AP4S1: variants seen among roughly 807,000 people sequenced by gnomAD.
AP4S1 encodes the protein adaptor related protein complex 4 subunit sigma 1, also known as AP-4 complex subunit sigma-1.
In AP4S1, 23 loss-of-function variants were observed where a neutral mutation model predicts 19.8. The ratio of observed to expected loss-of-function variants is 1.16; its 90% CI spans 0.84 to 1.65. The LOEUF (loss-of-function observed/expected upper bound fraction) is 1.65. AP4S1 is among the 40% of genes most tolerant of loss of function. The pLI is 0.00. For synonymous variants in AP4S1, 46 were observed against 54.1 expected, an observed-to-expected ratio of 0.85 and a Z score of 0.66; for missense variants, 166 against 172.8, an observed-to-expected ratio of 0.96 and a Z score of 0.22.
intron 1 of AP4S1, among the ~76,000 whole-genome samples, chr14:31,054,697 A>T (rs1372162695): frequency 6.6e-6 from 1 of 151,476 alleles, no homozygotes; most frequent in African/African-American, 2.4e-5. Flanking sequence ...TCAAAAAAAT[A>T]AATTAATTAA....
intron 4 of AP4S1, among the ~76,000 whole-genome samples, chr14:31,077,427 A>G (rs1887420546): frequency 6.6e-6 from 1 of 152,226 alleles, no homozygotes; most frequent in Non-Finnish European, 1.5e-5. Flanking sequence ...TCCTAATGCC[A>G]GAAGTGAGGT....
At chr14:31,075,253 T>A (rs1287479920) in intron 4 of AP4S1, among the ~76,000 whole-genome samples, 1 of 152,142 alleles carries the variant, frequency 6.6e-6, no homozygotes, top group Non-Finnish European at 1.5e-5. Context: ...ACTTTTTTAC[T>A]TCCCACATGA....
intron 1 of AP4S1, among the ~76,000 whole-genome samples, chr14:31,032,280 G>A (rs1428312048): frequency 6.6e-6 from 1 of 151,894 alleles, no homozygotes. Flanking sequence ...TCCTAAATAG[G>A]GTGTCTAATC....
At chr14:31,036,647 C>T (rs1884793361) in intron 1 of AP4S1, among the ~76,000 whole-genome samples, 1 of 152,150 alleles carries the variant, frequency 6.6e-6, no homozygotes, top group Admixed American at 6.5e-5. Context: ...TTTCTGGGAG[C>T]TTTAGGCTCA....
At chr14:31,069,814 G>A (rs1323352606) in intron 2 of AP4S1, 29 bp from the exon 3 acceptor site, 1 of 1,531,146 alleles carries the variant, frequency 6.5e-7, no homozygotes, top group Non-Finnish European at 9.1e-7. Flanking sequence ...TCAGCCACAG[G>A]AATTAATATC....
intron 1 of AP4S1, among the ~76,000 whole-genome samples, chr14:31,062,318 T>G (rs1203988783): frequency 2.0e-5 from 3 of 151,510 alleles, no homozygotes; most frequent in Admixed American, 1.3e-4. Context: ...AGGCTGTTCT[T>G]AAACTCCTGA....
chr14:31,053,420 C>T lies in AP4S1; in HGVS notation c.-71-12706C>T, dbSNP rs981733786. On this transcript the variant is annotated intron_variant, in intron 1 of 5. Coordinates refer to ENST00000542754, the MANE Select transcript of AP4S1 (RefSeq NM_001128126.3). Reference sequence around the variant, plus strand: ...TCCTGGAATATTGCCCAAGCCAGAGCTGGAAGAAGAAATCCAAAGCAAGTC... The same window carrying T: ...TCCTGGAATATTGCCCAAGCCAGAGTTGGAAGAAGAAATCCAAAGCAAGTC... Among the ~76,000 whole-genome samples the T allele has an allele frequency of 2.6e-5, 4 of 152,076 alleles. No homozygotes were observed. In the East Asian group the frequency reaches 7.7e-4, roughly 29 times the overall value.
chr14:31,039,181 T>C (rs896392601), intron 1 of AP4S1, among the ~76,000 whole-genome samples: 1 of 152,058 alleles, frequency 6.6e-6, no homozygotes, highest in African/African-American at 2.4e-5. Flanking sequence ...ATGTAGCTTT[T>C]ACTTTTTCTT....
chr14:31,041,335 T>G (rs1260137622), intron 1 of AP4S1, among the ~76,000 whole-genome samples: 7 of 151,674 alleles, frequency 4.6e-5, no homozygotes, highest in Non-Finnish European at 8.8e-5. Flanking sequence ...TTTTTAGTAG[T>G]GAGGGGGTTT....
At chr14:31,085,164 C>T (rs1196572382) in intron 5 of AP4S1, 2 of 1,205,186 alleles carry the variant, frequency 1.7e-6, no homozygotes, top group Non-Finnish European at 2.1e-6. Context: ...CATCATGGGG[C>T]AGATGCCCAC....
In AP4S1 at chr14:31,093,352, A is replaced by G. The variant is rs138436477; in HGVS notation, c.*317A>G. 128 of 178,272 alleles carry G rather than the reference A, an allele frequency of 7.2e-4. No individual in the cohort carries two copies. In the East Asian group the frequency reaches 0.017, roughly 23 times the overall value. 11.0% of individuals were successfully genotyped at this position (178,272 alleles called of 1,614,324 possible). On this transcript the variant is annotated 3_prime_UTR_variant, in exon 6 of 6. Coordinates refer to ENST00000542754, the MANE Select transcript of AP4S1 (RefSeq NM_001128126.3). Reference sequence around the variant, plus strand: ...GGTCTATGCTTCTTTTGCAAATTGAATTCAGGAATAGCAGGATGGTAGTGG... The same window carrying G: ...GGTCTATGCTTCTTTTGCAAATTGAGTTCAGGAATAGCAGGATGGTAGTGG...
In AP4S1 at chr14:31,073,964, G is replaced by A. The variant is rs145634555; in HGVS notation, c.294+991G>A. Among the ~76,000 whole-genome samples, 79 of 152,126 alleles carry A rather than the reference G, an allele frequency of 5.2e-4. 2 individuals are homozygous for A. The East Asian group carries it at 0.013, about 24-fold the overall frequency. On this transcript the variant is annotated intron_variant, in intron 4 of 5. Coordinates refer to ENST00000542754, the MANE Select transcript of AP4S1 (RefSeq NM_001128126.3). ...TTAGGGAATATGTGAGCTCCTTTCC[G>A]AAAATCTTTTTAAAGCCATTTTAAT...
rs778871263 is a variant in AP4S1 at position 31,026,189 on chromosome 14, G to C, written c.-72+402G>C. The C allele has an allele frequency of 4.2e-6, 6 of 1,439,484 alleles. No homozygotes were observed. In the South Asian group the frequency reaches 8.5e-5, roughly 20 times the overall value. 89.2% of individuals were successfully genotyped at this position (1,439,484 alleles called of 1,614,324 possible). On this transcript the variant is annotated intron_variant, in intron 1 of 5. Transcript: ENST00000542754. The stretch of plus-strand genomic sequence containing the variant: ...CGCCTCCGGCAAGCTCGTCCATTGT[G>C]TGTGGGGCCCCGGCCGGGGCGCAGG...
At chr14:31,085,619 T>C (rs1887888439) in intron 5 of AP4S1, 2 of 813,112 alleles carry the variant, frequency 2.5e-6, no homozygotes, top group Non-Finnish European at 3.0e-6. Context: ...ACAAAAAAAT[T>C]TAAAAAGCCA....
intron 1 of AP4S1, among the ~76,000 whole-genome samples, chr14:31,040,998 C>T (rs1885076558): frequency 6.6e-6 from 1 of 150,698 alleles, no homozygotes; most frequent in Non-Finnish European, 1.5e-5. Flanking sequence ...TGGTGTGAAC[C>T]CAGGGAGGTG....
intron 1 of AP4S1, among the ~76,000 whole-genome samples, chr14:31,027,712 G>A (rs1251650725): frequency 1.3e-5 from 2 of 152,076 alleles, no homozygotes; most frequent in African/African-American, 2.4e-5. Context: ...TAAGAGACAA[G>A]GCTAATATTT....
chr14:31,040,393 A>T (rs151107681), intron 1 of AP4S1, among the ~76,000 whole-genome samples: 1 of 152,152 alleles, frequency 6.6e-6, no homozygotes, highest in African/African-American at 2.4e-5. Context: ...GTAAGCTTTC[A>T]TTTATTTGTT....
chr14:31,062,132 C>T (rs1238253125), intron 1 of AP4S1, among the ~76,000 whole-genome samples: 1 of 151,886 alleles, frequency 6.6e-6, no homozygotes. Context: ...GAGTTTAGCT[C>T]TTGTCACCCA....
Position 31,066,126 on chromosome 14 carries a change from G to A in AP4S1, c.-71G>A, listed in dbSNP as rs1886699946. On this transcript the variant is annotated splice_region_variant and 5_prime_UTR_variant, in exon 2 of 6. Coordinates refer to ENST00000542754, the MANE Select transcript of AP4S1 (RefSeq NM_001128126.3). The stretch of plus-strand genomic sequence containing the variant: ...GGTTTTGTTTGTTTTTGTCTTCAAG[G>A]TTCCAGTTACAGCCATCCCTTGTCA... 6.7e-7 allele frequency: 1 copy of A among 1,483,858 alleles called. No individual in the cohort carries two copies. Among genetic ancestry groups the A allele is most frequent in the African/African-American group, 1.4e-5 (1 of 71,882 alleles). 91.9% of individuals were successfully genotyped at this position (1,483,858 alleles called of 1,614,324 possible).
Sources: allele counts gnomAD v4.1 joint callset (sites outside exome capture counted in the v4.1 genomes callset), GRCh38; gene constraint gnomAD v4.1.1; transcripts MANE v1.5; gene names NCBI Gene and HGNC (gene_info 2026-07-23, HGNC 2026-07-21).